The following EFCAB6 variants were observed in gnomAD, a reference collection of about 807,000 sequenced individuals.
EFCAB6 encodes the protein EF-hand calcium-binding domain-containing protein 6.
A neutral mutation model predicts 169.8 loss-of-function variants in EFCAB6; 156 were observed. That is an observed-to-expected ratio of 0.92 (90% CI 0.81 to 1.05). EFCAB6 has a LOEUF of 1.05. Among genes scored for constraint, EFCAB6 ranks in the 50% least tolerant of loss-of-function variants. The probability of loss-of-function intolerance (pLI) is 0.00; values close to 1 mark genes in which losing one functional copy is unlikely to be tolerated. For synonymous variants in EFCAB6, 698 were observed against 676.4 expected (o/e 1.03, Z -0.50); for missense variants, 1,800 against 1,829.1 (o/e 0.98, Z 0.29).
chr22:43,537,172 C>A lies in EFCAB6; in HGVS notation c.4048+205G>T. 1 of 555,362 alleles carries A rather than the reference C, an allele frequency of 1.8e-6. No individual in the cohort carries two copies. The highest frequency in any genetic ancestry group is 3.1e-6 in the Non-Finnish European group (1 of 323,580). 34.4% of individuals were successfully genotyped at this position (555,362 alleles called of 1,614,324 possible). Reference sequence around the variant, plus strand: ...CTGACTTTACCATGCAGATGGGCCCCCTGCTGGGAGGGCCGGGTAGTCGGA... The same window carrying A: ...CTGACTTTACCATGCAGATGGGCCCACTGCTGGGAGGGCCGGGTAGTCGGA... On this transcript the variant is annotated intron_variant, in intron 29 of 31. Coordinates refer to ENST00000262726, the MANE Select transcript of EFCAB6 (RefSeq NM_022785.4). The surrounding 1 kb of genome is among the most constrained non-coding windows in gnomAD (Gnocchi z 4.3).
At chr22:43,776,820 T>A (rs912835270) in intron 3 of EFCAB6, among the ~76,000 whole-genome samples, 2 of 152,090 alleles carry the variant, frequency 1.3e-5, no homozygotes, top group African/African-American at 4.8e-5. Flanking sequence ...TTCTTCAAAG[T>A]GCAATGGAAA....
intron 6 of EFCAB6, among the ~76,000 whole-genome samples, chr22:43,738,684 C>G (rs1049911987): frequency 3.3e-5 from 5 of 152,160 alleles, no homozygotes; most frequent in African/African-American, 1.2e-4. Context: ...CACACTTGCA[C>G]ATACCCCATC....
At chr22:43,567,338 A>C (rs2049512457) in intron 26 of EFCAB6, among the ~76,000 whole-genome samples, 1 of 152,224 alleles carries the variant, frequency 6.6e-6, no homozygotes, top group Non-Finnish European at 1.5e-5. Context: ...TAATGATTCA[A>C]TAAATTCATG....
intron 17 of EFCAB6, among the ~76,000 whole-genome samples, chr22:43,664,747 T>C (rs2057166612): frequency 6.6e-6 from 1 of 152,070 alleles, no homozygotes; most frequent in African/African-American, 2.4e-5. Flanking sequence ...AAGGGGAGGA[T>C]GACCAGAGCT....
chr22:43,605,999 G>A (rs751574889), intron 22 of EFCAB6, among the ~76,000 whole-genome samples: 2 of 152,142 alleles, frequency 1.3e-5, no homozygotes, highest in African/African-American at 4.8e-5. Flanking sequence ...TGAAAAACAC[G>A]GACACGGGAG....
chr22:43,782,571 G>A (rs2061864045), intron 2 of EFCAB6, among the ~76,000 whole-genome samples: 1 of 152,196 alleles, frequency 6.6e-6, no homozygotes, highest in South Asian at 2.1e-4. Flanking sequence ...CTTTTGGACA[G>A]AAAAATCCAC....
At chr22:43,811,484 G>A (rs979791174) in intron 1 of EFCAB6, among the ~76,000 whole-genome samples, 1 of 152,192 alleles carries the variant, frequency 6.6e-6, no homozygotes, top group African/African-American at 2.4e-5. Flanking sequence ...GAGAAAGGAA[G>A]GGAGTAGAGA....
chr22:43,676,315 G>A (rs749725657), intron 13 of EFCAB6, among the ~76,000 whole-genome samples: 1 of 151,496 alleles, frequency 6.6e-6, no homozygotes, highest in African/African-American at 2.4e-5. Context: ...TACTTGGGAG[G>A]CTGAGGCAGG....
intron 9 of EFCAB6, among the ~76,000 whole-genome samples, chr22:43,713,023 T>C (rs2059214573): frequency 6.6e-6 from 1 of 152,234 alleles, no homozygotes; most frequent in African/African-American, 2.4e-5. Flanking sequence ...CATCATATTC[T>C]TGATGGAAAA....
At chr22:43,646,858 C>T (rs918001751) in intron 17 of EFCAB6, among the ~76,000 whole-genome samples, 3 of 152,174 alleles carry the variant, frequency 2.0e-5, no homozygotes, top group Non-Finnish European at 4.4e-5. Context: ...CTACCAAACA[C>T]TTGTGGTAGG....
chr22:43,783,086 T>C (rs944085771), intron 2 of EFCAB6, among the ~76,000 whole-genome samples: 2 of 152,180 alleles, frequency 1.3e-5, no homozygotes, highest in Non-Finnish European at 2.9e-5. Flanking sequence ...TTATCATTAT[T>C]TGACCTGATG....
chr22:43,620,759 T>C (rs901460990), intron 20 of EFCAB6, among the ~76,000 whole-genome samples: 6 of 152,118 alleles, frequency 3.9e-5, no homozygotes, highest in Admixed American at 3.3e-4. Context: ...GAAAAAGAAA[T>C]AGACAAATTC....
chr22:43,733,795 G>A (rs549726586), intron 7 of EFCAB6, among the ~76,000 whole-genome samples: 10 of 152,064 alleles, frequency 6.6e-5, no homozygotes, highest in African/African-American at 1.4e-4. Flanking sequence ...TGCAACCTCC[G>A]CCTCCCGGGT....
intron 17 of EFCAB6, among the ~76,000 whole-genome samples, chr22:43,649,031 C>A (rs567930780): frequency 2.0e-5 from 3 of 151,288 alleles, no homozygotes; most frequent in African/African-American, 7.3e-5. Context: ...TGCAAACGAG[C>A]CAATGCCCAG....
intron 15 of EFCAB6, among the ~76,000 whole-genome samples, chr22:43,671,509 T>A (rs766438747): frequency 1.3e-5 from 2 of 152,214 alleles, no homozygotes; most frequent in African/African-American, 2.4e-5. Flanking sequence ...ATTTAACTGT[T>A]GCAACTCACA....
At chr22:43,735,734 A>G (rs1457636476) in intron 7 of EFCAB6, 123 bp downstream of exon 7, 2 of 1,133,898 alleles carry the variant, frequency 1.8e-6, no homozygotes, top group Non-Finnish European at 2.5e-6. Flanking sequence ...TTGAGAAATA[A>G]GGTGTGTGTG....
intron 6 of EFCAB6, among the ~76,000 whole-genome samples, chr22:43,738,301 C>A (rs1042928385): frequency 6.6e-6 from 1 of 151,284 alleles, no homozygotes; most frequent in African/African-American, 2.4e-5. Context: ...TATACTCACA[C>A]TCACACCGTC....
intron 21 of EFCAB6, among the ~76,000 whole-genome samples, chr22:43,612,815 A>C (rs941725512): frequency 5.3e-5 from 8 of 151,874 alleles, no homozygotes; most frequent in Non-Finnish European, 1.0e-4. Flanking sequence ...GATCACTTTA[A>C]CCTGGGCGGC....
Position 43,635,115 on chromosome 22 carries a change from T to C in EFCAB6, c.2085A>G (p.Ala695=). ...EKEGMSYLDF[A]AGFEDPPMRG... is the part of the protein sequence containing the mutation. ...GCCATTAGCTACCTTCAAATCCTGC[T>C]GCAAAATCAAGATAGCTCATCCCTT... The change falls in exon 18 of 32, where the codon GCA becomes GCG. Residue 695 remains alanine (A), a synonymous_variant. Coordinates refer to ENST00000262726, the MANE Select transcript of EFCAB6 (RefSeq NM_022785.4). The C allele has an allele frequency of 1.2e-6, 2 of 1,614,080 alleles. No individual in the cohort carries two copies. Among genetic ancestry groups the C allele is most frequent in the South Asian group, 2.2e-5 (2 of 91,078 alleles).
Sources: allele counts gnomAD v4.1 joint callset (sites outside exome capture counted in the v4.1 genomes callset), GRCh38; gene constraint gnomAD v4.1.1; non-coding constraint Gnocchi (gnomAD v3.1); transcripts MANE v1.5; gene names NCBI Gene and HGNC (gene_info 2026-07-23, HGNC 2026-07-21).